Variants in ASAP2 observed in about 807,000 individuals in gnomAD.
ASAP2 encodes ArfGAP with SH3 domain, ankyrin repeat and PH domain 2, also known as arf-GAP with SH3 domain, ANK repeat and PH domain-containing protein 2.
In ASAP2, 45 loss-of-function variants were observed where a neutral mutation model predicts 131.4. The ratio of observed to expected loss-of-function variants is 0.34; its 90% confidence interval spans 0.27 to 0.44. The LOEUF is 0.44. ASAP2 is among the 20% of genes least tolerant of loss of function. ASAP2 has a pLI of 1.00. For synonymous variants in ASAP2, 510 were observed against 503.0 expected (o/e 1.01, Z -0.19); for missense variants, 1,011 against 1,297.0 (o/e 0.78, Z 3.39).
chr2:9,226,652 T>G (rs967176245), intron 1 of ASAP2, among the ~76,000 whole-genome samples: 7 of 152,240 alleles, frequency 4.6e-5, no homozygotes, highest in Non-Finnish European at 1.5e-5. Context: ...TGGGGAGGAC[T>G]GTCCTATGTC....
chr2:9,387,714 C>T, intron 21 of ASAP2, among the ~76,000 whole-genome samples: 1 of 152,174 alleles, frequency 6.6e-6, no homozygotes. Flanking sequence ...GAATTTTAAC[C>T]TGTAATTAAC....
chr2:9,221,579 C>T (rs1002744363), intron 1 of ASAP2, among the ~76,000 whole-genome samples: 3 of 152,040 alleles, frequency 2.0e-5, no homozygotes, highest in African/African-American at 7.2e-5. Flanking sequence ...GAATTGTTTT[C>T]TTAATTTCAT....
rs765643168 is a variant in ASAP2 at position 9,207,069 on chromosome 2, C to T, written c.-36C>T. 35 of 1,508,020 alleles carry T rather than the reference C, an allele frequency of 2.3e-5. No homozygotes were observed. Among genetic ancestry groups the T allele is most frequent in the South Asian group, 3.7e-5 (3 of 82,062 alleles). The allele number at this position is 1,508,020 out of a possible 1,614,324, so 93.4% of individuals were successfully genotyped here. On this transcript the variant is annotated 5_prime_UTR_variant, in exon 1 of 28. Coordinates refer to ENST00000281419, the MANE Select transcript of ASAP2 (RefSeq NM_003887.3). This position sits in a 1 kb window ranked among gnomAD's most constrained non-coding sequence, Gnocchi z 4.1. ...CTGCGGCAGTTGAGGCGGCGGCGCC[C>T]CTGCGGCTGTGCGCCAGCGCCCTCG...
At chr2:9,260,565 TC>T in intron 1 of ASAP2, among the ~76,000 whole-genome samples, 1 of 152,266 alleles carries the variant, frequency 6.6e-6, no homozygotes, top group African/African-American at 2.4e-5. Flanking sequence ...GTTTGCATCG[TC>T]ACACTCCTTT....
At chr2:9,214,405 G>A (rs1463498056) in intron 1 of ASAP2, among the ~76,000 whole-genome samples, 2 of 151,936 alleles carry the variant, frequency 1.3e-5, no homozygotes, top group Non-Finnish European at 2.9e-5. Flanking sequence ...ATGCCCGGCT[G>A]ATTTTTGTAT....
At chr2:9,277,764 A>G (rs1666850218) in intron 1 of ASAP2, among the ~76,000 whole-genome samples, 2 of 152,268 alleles carry the variant, frequency 1.3e-5, no homozygotes, top group Non-Finnish European at 2.9e-5. Flanking sequence ...TGTACATTCC[A>G]TGGGCTTGGA....
chr2:9,300,946 C>A (rs551556211), intron 3 of ASAP2, among the ~76,000 whole-genome samples: 1 of 152,386 alleles, frequency 6.6e-6, no homozygotes, highest in South Asian at 2.1e-4. Flanking sequence ...TAGCACTCAC[C>A]ATGCCTGGTT....
Position 9,270,785 on chromosome 2 carries a change from A to ATTTTTTTTTTTTTTTTTTTTTTTT in ASAP2, c.127-8530_127-8507dup, listed in dbSNP as rs35913703. On this transcript the variant is annotated intron_variant, in intron 1 of 27. Transcript: ENST00000281419. ...AGTCTCCATGAGTTCAATTGTTTTC[A>ATTTTTTTTTTTTTTTTTTTTTTTT]TTTTTTTTTTTTTTTTTTTTTTTTT... 1.2e-3 allele frequency among the ~76,000 whole-genome samples: 65 copies of ATTTTTTTTTTTTTTTTTTTTTTTT among 52,928 alleles called. 12 individuals are homozygous for ATTTTTTTTTTTTTTTTTTTTTTTT. Among genetic ancestry groups the ATTTTTTTTTTTTTTTTTTTTTTTT allele is most frequent in the Non-Finnish European group, 1.8e-3 (53 of 28,776 alleles). The allele number at this position is 52,928 out of a possible 152,430, so 34.7% of individuals were successfully genotyped here. A position where few individuals can be genotyped will look rare whatever the true frequency, so the allele number is the denominator to read the frequency against.
At chr2:9,250,654 C>T (rs1009708368) in intron 1 of ASAP2, among the ~76,000 whole-genome samples, 1 of 152,226 alleles carries the variant, frequency 6.6e-6, no homozygotes, top group Non-Finnish European at 1.5e-5. Context: ...AAGCAGAAAG[C>T]AGTGAGCACC....
intron 1 of ASAP2, among the ~76,000 whole-genome samples, chr2:9,257,462 C>CT (rs1317362363): frequency 1.3e-5 from 2 of 152,188 alleles, no homozygotes; most frequent in African/African-American, 2.4e-5. Context: ...CTTGAACAAA[C>CT]TAATGAACCA....
At chr2:9,319,216 T>C (rs1478730915) in intron 4 of ASAP2, among the ~76,000 whole-genome samples, 1 of 152,174 alleles carries the variant, frequency 6.6e-6, no homozygotes, top group Non-Finnish European at 1.5e-5. Flanking sequence ...GCGCTGCCCC[T>C]GCGCATCGCC....
intron 1 of ASAP2, among the ~76,000 whole-genome samples, chr2:9,215,837 A>G (rs1477773183): frequency 6.6e-6 from 1 of 152,170 alleles, no homozygotes; most frequent in Non-Finnish European, 1.5e-5. Flanking sequence ...AAAGGTGTTT[A>G]GAAGCGCTCT....
chr2:9,230,860 A>C (rs1428389000), intron 1 of ASAP2, among the ~76,000 whole-genome samples: 7 of 152,196 alleles, frequency 4.6e-5, no homozygotes, highest in Non-Finnish European at 8.8e-5. Context: ...TAATAGCAAC[A>C]AAGCCCAGAG....
At chr2:9,364,177 C>A (rs1161523795) in intron 15 of ASAP2, among the ~76,000 whole-genome samples, 1 of 152,106 alleles carries the variant, frequency 6.6e-6, no homozygotes, top group Non-Finnish European at 1.5e-5. Flanking sequence ...TAAAGGAATT[C>A]TTGATATTCT....
At chr2:9,210,781 T>A (rs1314448211) in intron 1 of ASAP2, among the ~76,000 whole-genome samples, 1 of 151,942 alleles carries the variant, frequency 6.6e-6, no homozygotes, top group Non-Finnish European at 1.5e-5. Flanking sequence ...GTCGATGGTC[T>A]AGATCTCCTG....
At chr2:9,381,552 A>T (rs867862217) in intron 20 of ASAP2, among the ~76,000 whole-genome samples, 1 of 152,212 alleles carries the variant, frequency 6.6e-6, no homozygotes, top group African/African-American at 2.4e-5. Flanking sequence ...GCCTGGCAAC[A>T]TAGTGAGACT....
intron 24 of ASAP2, among the ~76,000 whole-genome samples, chr2:9,397,996 G>A (rs1347058649): frequency 6.6e-6 from 1 of 151,198 alleles, no homozygotes; most frequent in Non-Finnish European, 1.5e-5. Context: ...CTGACCTCAT[G>A]ATCCGCCCGC....
At chr2:9,297,739 T>G (rs1005788425) in intron 3 of ASAP2, among the ~76,000 whole-genome samples, 22 of 152,238 alleles carry the variant, frequency 1.4e-4, no homozygotes, top group Non-Finnish European at 2.6e-4. Context: ...TTTTAACAGT[T>G]TCTAAACTGT....
intron 27 of ASAP2, among the ~76,000 whole-genome samples, chr2:9,401,800 C>T (rs1287338319): frequency 6.6e-6 from 1 of 152,252 alleles, no homozygotes; most frequent in Non-Finnish European, 1.5e-5. Context: ...GCCGCCCAGG[C>T]GTCCAGCAGG....
Sources: allele counts gnomAD v4.1 joint callset (sites outside exome capture counted in the v4.1 genomes callset), GRCh38; gene constraint gnomAD v4.1.1; non-coding constraint Gnocchi (gnomAD v3.1); transcripts MANE v1.5; gene names NCBI Gene and HGNC (gene_info 2026-07-23, HGNC 2026-07-21).